The following PAK3 variants were observed in gnomAD, a reference collection of about 807,000 sequenced individuals.
PAK3 encodes the protein p21 (RAC1) activated kinase 3, also known as serine/threonine-protein kinase PAK 3.
Under a neutral mutation model 41.0 loss-of-function variants are expected in PAK3, and 4 were observed. That is an observed-to-expected ratio of 0.10 (90% confidence interval 0.05 to 0.22). The LOEUF (loss-of-function observed/expected upper bound fraction) is 0.22. PAK3 is among the 10% of genes least tolerant of loss of function. The pLI is 1.00. For synonymous variants in PAK3, 146 were observed against 139.6 expected (o/e 1.05, Z -0.32); for missense variants, 205 against 409.9 (o/e 0.50, Z 4.32).
At chrX:111,185,887 A>G (rs1480883288) in intron 11 of PAK3, among the ~76,000 whole-genome samples, 1 of 111,009 alleles carries the variant, frequency 9.0e-6, no homozygotes, top group African/African-American at 3.3e-5. Context: ...TTGGTGCAAA[A>G]ATCCCCAATA....
At chrX:110,990,080 A>G (rs994163007) in intron 1 of PAK3, among the ~76,000 whole-genome samples, 5 of 111,869 alleles carry the variant, frequency 4.5e-5, no homozygotes, top group Non-Finnish European at 9.4e-5. Flanking sequence ...CGGCAGAGTC[A>G]TAGAGTCGGT....
intron 8 of PAK3, among the ~76,000 whole-genome samples, chrX:111,155,582 T>C (rs1255192841): frequency 1.8e-5 from 2 of 109,681 alleles, no homozygotes; most frequent in African/African-American, 6.6e-5. Flanking sequence ...TCAGAGAAAG[T>C]AGATTGCTTT....
chrX:111,126,862 A>G (rs2093655088), intron 5 of PAK3, among the ~76,000 whole-genome samples: 1 of 111,750 alleles, frequency 8.9e-6, no homozygotes, highest in Non-Finnish European at 1.9e-5. Context: ...AAAGAAAATT[A>G]AATGTGCCTA....
chrX:111,033,857 T>A (rs1323570851), intron 1 of PAK3, among the ~76,000 whole-genome samples: 1 of 111,448 alleles, frequency 9.0e-6, no homozygotes, highest in African/African-American at 3.3e-5. Context: ...TGTGATGGCT[T>A]GGGTGGGCCC....
chrX:111,044,481 T>A (rs1421178056), intron 1 of PAK3, among the ~76,000 whole-genome samples: 1 of 111,973 alleles, frequency 8.9e-6, no homozygotes. Flanking sequence ...GTGTCAAGAT[T>A]CCTGGTCTTC....
chrX:111,082,481 A>G (rs1485124125), intron 1 of PAK3, among the ~76,000 whole-genome samples: 1 of 111,591 alleles, frequency 9.0e-6, no homozygotes, highest in African/African-American at 3.3e-5. Flanking sequence ...GTAGACACCA[A>G]GTGGGTCTTG....
At chrX:111,145,726 T>C (rs1013066499) in intron 6 of PAK3, among the ~76,000 whole-genome samples, 3 of 111,830 alleles carry the variant, frequency 2.7e-5, no homozygotes, top group Non-Finnish European at 5.6e-5. Flanking sequence ...TCAAGCATGT[T>C]TCTGTAGCAT....
rs759717564 is a variant in PAK3, at chrX:110,945,071, G to A, written c.-28+443G>A. 3.6e-5 allele frequency among the ~76,000 whole-genome samples: 4 copies of A among 112,389 alleles called. No homozygotes were observed. In the East Asian group the frequency reaches 8.5e-4, roughly 24 times the overall value. The stretch of plus-strand genomic sequence containing the variant: ...GCTCCAGGCTAGGCTGCGGTCCGCC[G>A]GCAATGTGGGGTGTGGGTCGGGCCG... On this transcript the variant is annotated intron_variant, in intron 1 of 14. Transcript: ENST00000425146.
intron 1 of PAK3, among the ~76,000 whole-genome samples, chrX:111,050,340 T>C (rs998354426): frequency 9.0e-6 from 1 of 111,644 alleles, no homozygotes; most frequent in African/African-American, 3.3e-5. Context: ...CTAAAAGATT[T>C]TGTGGTCTTT....
At chrX:111,006,849 CT>C (rs1186032934) in intron 1 of PAK3, among the ~76,000 whole-genome samples, 2 of 42,725 alleles carry the variant, frequency 4.7e-5, no homozygotes, top group African/African-American at 1.5e-4. Context: ...TTCTTTCTTT[CT>C]TTTTTTTTTT....
chrX:111,059,550 A>C (rs923991188), intron 1 of PAK3, among the ~76,000 whole-genome samples: 26 of 111,443 alleles, frequency 2.3e-4, no homozygotes, highest in African/African-American at 7.5e-4. Flanking sequence ...TGTTAATGTT[A>C]AACCTTCCAA....
intron 7 of PAK3, among the ~76,000 whole-genome samples, chrX:111,151,230 G>C (rs928240089): frequency 8.9e-6 from 1 of 112,559 alleles, no homozygotes; most frequent in Non-Finnish European, 1.9e-5. Flanking sequence ...AACTGAAAAT[G>C]TATTCAAGAA....
At chrX:111,052,962 A>G in intron 1 of PAK3, among the ~76,000 whole-genome samples, 1 of 112,406 alleles carries the variant, frequency 8.9e-6, no homozygotes, top group East Asian at 2.8e-4. Context: ...TTAAACTATG[A>G]ACAGACAGCA....
chrX:110,947,866 C>G (rs1455493691), intron 1 of PAK3, among the ~76,000 whole-genome samples: 3 of 111,440 alleles, frequency 2.7e-5, no homozygotes, highest in Non-Finnish European at 5.6e-5. Flanking sequence ...CTTCCTTCCC[C>G]CCTCTTTAAA....
At chrX:110,950,597 C>A (rs770802260) in intron 1 of PAK3, among the ~76,000 whole-genome samples, 1 of 111,744 alleles carries the variant, frequency 8.9e-6, no homozygotes, top group South Asian at 3.8e-4. Context: ...CCGTGATAGG[C>A]TCCAGTGTGT....
intron 1 of PAK3, among the ~76,000 whole-genome samples, chrX:111,089,151 C>T (rs1416469507): frequency 9.0e-6 from 1 of 111,713 alleles, no homozygotes; most frequent in Non-Finnish European, 1.9e-5. Flanking sequence ...TGTCAGTTTC[C>T]AGGGATTTGT....
intron 1 of PAK3, among the ~76,000 whole-genome samples, chrX:111,051,408 G>T (rs2092556474): frequency 8.9e-6 from 1 of 111,983 alleles, no homozygotes; most frequent in Non-Finnish European, 1.9e-5. Flanking sequence ...AATTTAATTT[G>T]TGTAACAGTC....
Position 111,089,177 on chromosome X carries a change from G to A in PAK3, c.-27-33900G>A, listed in dbSNP as rs938957568. 9.8e-5 allele frequency among the ~76,000 whole-genome samples: 11 copies of A among 112,020 alleles called. No homozygotes were observed. In the East Asian group the frequency reaches 3.1e-3, roughly 31 times the overall value. On this transcript the variant is annotated intron_variant, in intron 1 of 14. Coordinates refer to the PAK3 transcript ENST00000425146. The stretch of plus-strand genomic sequence containing the variant: ...AGGGATTTGTCAATGTACTGCGGCT[G>A]TGCAAAATAAAATCAATATAATATA...
chrX:111,127,486 T>C (rs2093663420), intron 5 of PAK3, among the ~76,000 whole-genome samples: 1 of 110,428 alleles, frequency 9.1e-6, no homozygotes, highest in African/African-American at 3.3e-5. Context: ...AGATTGAGGA[T>C]TTATTTTGTT....
Sources: gnomAD v4.1 joint callset for allele counts (sites outside exome capture counted in the v4.1 genomes callset) on GRCh38, gnomAD v4.1.1 for gene constraint, MANE v1.5 for transcripts, NCBI Gene and HGNC (gene_info 2026-07-23, HGNC 2026-07-21) for gene names.